GMDS: variants seen among roughly 807,000 people sequenced by gnomAD.
GMDS encodes the protein GDP-mannose 4,6 dehydratase.
GMDS carries 20 observed loss-of-function variants against 49.9 expected under a neutral mutation model. The observed-to-expected ratio is 0.40, with a 90% CI of 0.28 to 0.58. The LOEUF (loss-of-function observed/expected upper bound fraction) is 0.58. Ranked by LOEUF, GMDS falls within the 20% of genes least tolerant of loss-of-function variation. The probability of loss-of-function intolerance (pLI) is 0.42; values close to 1 mark genes in which losing one functional copy is unlikely to be tolerated. For synonymous variants in GMDS, 177 were observed against 178.6 expected, an observed-to-expected ratio of 0.99 and a Z score of 0.07; for missense variants, 362 against 481.4, an observed-to-expected ratio of 0.75 and a Z score of 2.32.
In GMDS at chr6:1,857,024, G is replaced by C. The variant is rs187335735; in HGVS notation, c.771+73079C>G. Among the ~76,000 whole-genome samples the C allele has an allele frequency of 3.7e-4, 56 of 152,284 alleles. No homozygotes were observed. In the East Asian group the frequency reaches 7.5e-3, roughly 20 times the overall value. ...GAATGCATAGAGTTGTCCCACATGC[G>C]AATAGATTTCTACCTCTATCAAGAG... is the stretch of plus-strand genomic sequence containing the variant. On this transcript the variant is annotated intron_variant, in intron 7 of 10. Coordinates refer to ENST00000380815, the MANE Select transcript of GMDS (RefSeq NM_001500.4).
intron 1 of GMDS, among the ~76,000 whole-genome samples, chr6:2,200,994 C>T (rs1204990268): frequency 1.4e-5 from 2 of 142,350 alleles, no homozygotes; most frequent in Non-Finnish European, 3.1e-5. Context: ...ATGAACCAAT[C>T]TAGGCAGTGA....
intron 4 of GMDS, among the ~76,000 whole-genome samples, chr6:2,098,738 T>C (rs1377935099): frequency 6.6e-6 from 1 of 152,140 alleles, no homozygotes; most frequent in African/African-American, 2.4e-5. Flanking sequence ...GTTTGCCACC[T>C]TGACAGTATG....
intron 4 of GMDS, among the ~76,000 whole-genome samples, chr6:2,085,243 T>G (rs576328313): frequency 6.6e-6 from 1 of 152,326 alleles, no homozygotes; most frequent in Admixed American, 6.5e-5. Flanking sequence ...TCTTTTTTAT[T>G]CCTTTCTTTC....
chr6:2,030,318 C>T (rs1345620397), intron 4 of GMDS, among the ~76,000 whole-genome samples: 2 of 152,062 alleles, frequency 1.3e-5, no homozygotes, highest in Non-Finnish European at 2.9e-5. Context: ...GCTGGAGAGC[C>T]AAGAAAAAGA....
At chr6:2,134,491 T>C (rs1051873239) in intron 1 of GMDS, among the ~76,000 whole-genome samples, 1 of 152,194 alleles carries the variant, frequency 6.6e-6, no homozygotes, top group Non-Finnish European at 1.5e-5. Flanking sequence ...TTGGTCTCAA[T>C]AGCACCAAAC....
At chr6:1,661,283 C>T (rs780144149) in intron 9 of GMDS, among the ~76,000 whole-genome samples, 2 of 152,152 alleles carry the variant, frequency 1.3e-5, no homozygotes, top group African/African-American at 2.4e-5. Context: ...CTATTAGATC[C>T]TAGTTGTAAT....
At chr6:2,068,923 G>A (rs1270270513) in intron 4 of GMDS, among the ~76,000 whole-genome samples, 1 of 152,082 alleles carries the variant, frequency 6.6e-6, no homozygotes, top group Non-Finnish European at 1.5e-5. Flanking sequence ...CTGCTTTAAA[G>A]TTCATATGGA....
chr6:2,220,282 T>C (rs1653004249), intron 1 of GMDS, among the ~76,000 whole-genome samples: 1 of 152,178 alleles, frequency 6.6e-6, no homozygotes, highest in African/African-American at 2.4e-5. Context: ...ACGGTAACCT[T>C]TTAGTCAACA....
At chr6:1,671,157 T>C (rs1287143802) in intron 9 of GMDS, among the ~76,000 whole-genome samples, 5 of 152,272 alleles carry the variant, frequency 3.3e-5, no homozygotes, top group African/African-American at 7.2e-5. Flanking sequence ...CTGCTCCAAG[T>C]GTCAATCAGC....
At chr6:2,237,355 T>C (rs1781408185) in intron 1 of GMDS, among the ~76,000 whole-genome samples, 1 of 152,158 alleles carries the variant, frequency 6.6e-6, no homozygotes, top group South Asian at 2.1e-4. Context: ...TCCTATAGGA[T>C]TACCTTTCAG....
At chr6:1,824,793 A>G (rs1771040524) in intron 7 of GMDS, among the ~76,000 whole-genome samples, 1 of 152,166 alleles carries the variant, frequency 6.6e-6, no homozygotes, top group Non-Finnish European at 1.5e-5. Flanking sequence ...TTAAGTGCTC[A>G]ATATTTTTTA....
chr6:1,855,052 A>C (rs866358803), intron 7 of GMDS, among the ~76,000 whole-genome samples: 27 of 152,344 alleles, frequency 1.8e-4, no homozygotes, highest in Middle Eastern at 6.8e-3. Flanking sequence ...GGCATCTAAA[A>C]ACCTTTCTGC....
chr6:1,887,399 T>C (rs1292754513), intron 7 of GMDS, among the ~76,000 whole-genome samples: 1 of 152,134 alleles, frequency 6.6e-6, no homozygotes, highest in Non-Finnish European at 1.5e-5. Context: ...TCTAGGTATA[T>C]TTTTGATTAA....
chr6:2,224,085 G>C (rs999984469), intron 1 of GMDS, among the ~76,000 whole-genome samples: 2 of 152,164 alleles, frequency 1.3e-5, no homozygotes, highest in Non-Finnish European at 2.9e-5. Flanking sequence ...GAAGTTGCAG[G>C]GTTTAGCCGT....
chr6:1,963,577 T>A (rs757167016), intron 4 of GMDS, among the ~76,000 whole-genome samples: 13 of 152,158 alleles, frequency 8.5e-5, no homozygotes, highest in Non-Finnish European at 1.9e-4. Context: ...TGGTTAGGGG[T>A]CCAACTTCAT....
intron 7 of GMDS, among the ~76,000 whole-genome samples, chr6:1,806,324 G>A (rs1770173901): frequency 6.6e-6 from 1 of 152,090 alleles, no homozygotes; most frequent in African/African-American, 2.4e-5. Flanking sequence ...TTGGATTAGA[G>A]AGGCAGATTC....
At chr6:1,683,009 G>A (rs962614174) in intron 9 of GMDS, among the ~76,000 whole-genome samples, 14 of 152,286 alleles carry the variant, frequency 9.2e-5, no homozygotes, top group African/African-American at 3.1e-4. Context: ...TGGAGACGGG[G>A]TAAAACCACG....
chr6:1,732,957 C>G (rs761220193), intron 8 of GMDS, among the ~76,000 whole-genome samples: 1 of 152,224 alleles, frequency 6.6e-6, no homozygotes, highest in Non-Finnish European at 1.5e-5. Flanking sequence ...GGCCCCTCTA[C>G]GTTGCAGAGA....
At chr6:1,983,340 C>T (rs1765331616) in intron 4 of GMDS, among the ~76,000 whole-genome samples, 1 of 152,098 alleles carries the variant, frequency 6.6e-6, no homozygotes, top group Admixed American at 6.6e-5. Context: ...ATGACCAAGG[C>T]ACCAAAAGCA....
Sources: gnomAD v4.1 joint callset for allele counts (sites outside exome capture counted in the v4.1 genomes callset) on GRCh38, gnomAD v4.1.1 for gene constraint, MANE v1.5 for transcripts, NCBI Gene and HGNC (gene_info 2026-07-23, HGNC 2026-07-21) for gene names.